Variants in TMPRSS15 observed in about 807,000 individuals in gnomAD.
TMPRSS15 encodes the protein transmembrane serine protease 15, also known as enteropeptidase.
In TMPRSS15, 128 loss-of-function variants were observed where a neutral mutation model predicts 125.3. The observed-to-expected ratio is 1.02, with a 90% confidence interval of 0.89 to 1.18. The LOEUF is 1.18. TMPRSS15 is among the 50% of genes most tolerant of loss of function. TMPRSS15 has a pLI of 0.00. For synonymous variants in TMPRSS15, 446 were observed against 423.2 expected (o/e 1.05, Z -0.66); for missense variants, 1,283 against 1,212.7 (o/e 1.06, Z -0.86).
chr21:18,350,233 T>G (rs935838433), intron 10 of TMPRSS15, among the ~76,000 whole-genome samples: 9 of 152,146 alleles, frequency 5.9e-5, no homozygotes, highest in Admixed American at 1.3e-4. Flanking sequence ...GGAAATAACT[T>G]ATTCAAAGAA....
chr21:18,275,547 C>CT (rs952208819), intron 23 of TMPRSS15, among the ~76,000 whole-genome samples: 7 of 152,172 alleles, frequency 4.6e-5, no homozygotes, highest in Non-Finnish European at 8.8e-5. Context: ...GAAAGCTCTT[C>CT]TTTTTTACCG....
At chr21:18,434,650 AT>A (rs950334498) in intron 1 of TMPRSS15, among the ~76,000 whole-genome samples, 12 of 151,952 alleles carry the variant, frequency 7.9e-5, no homozygotes, top group African/African-American at 2.9e-4. Context: ...TTTCTAAAAT[AT>A]TTTTTTCTAA....
intron 1 of TMPRSS15, among the ~76,000 whole-genome samples, chr21:18,433,387 T>G (rs997277157): frequency 6.6e-6 from 1 of 152,002 alleles, no homozygotes; most frequent in South Asian, 2.1e-4. Flanking sequence ...TCTGCCTCAT[T>G]TATCTTAAAA....
intron 8 of TMPRSS15, among the ~76,000 whole-genome samples, chr21:18,354,128 A>G (rs917608624): frequency 2.0e-5 from 3 of 151,876 alleles, no homozygotes; most frequent in African/African-American, 7.2e-5. Context: ...TGTTAGCTCT[A>G]TGCACTATAT....
chr21:18,341,935 T>C (rs2075450670), intron 12 of TMPRSS15, among the ~76,000 whole-genome samples: 1 of 152,216 alleles, frequency 6.6e-6, no homozygotes, highest in Non-Finnish European at 1.5e-5. Context: ...TTCAGCAATA[T>C]TAAACATTCA....
rs141897863 is a variant in TMPRSS15, at chr21:18,434,868, T to C, written c.11-36539A>G. ...CATGCATAAGTTATCTAGCCTTATA[T>C]AATTATAATTTGATTGGACAAATTG... is the stretch of plus-strand genomic sequence containing the variant. On this transcript the variant is annotated intron_variant, in intron 1 of 7. Coordinates refer to the TMPRSS15 transcript ENST00000422787. Among the ~76,000 whole-genome samples the C allele has an allele frequency of 9.9e-5, 15 of 152,204 alleles. No individual in the cohort carries two copies. The East Asian group carries it at 2.9e-3, about 29-fold the overall frequency.
intron 12 of TMPRSS15, among the ~76,000 whole-genome samples, chr21:18,342,583 A>G (rs1402829202): frequency 2.0e-5 from 3 of 152,226 alleles, no homozygotes; most frequent in African/African-American, 7.2e-5. Context: ...ACATCTGGCC[A>G]CTGCAATACT....
At chr21:18,329,404 C>G (rs1482351477) in intron 14 of TMPRSS15, 110 bp from the exon 15 acceptor site, 24 of 1,176,290 alleles carry the variant, frequency 2.0e-5, no homozygotes, top group Non-Finnish European at 8.2e-6. Flanking sequence ...ATTTTTTTTC[C>G]ACTTCATGAA....
intron 21 of TMPRSS15, among the ~76,000 whole-genome samples, chr21:18,290,956 G>C (rs1243277514): frequency 6.6e-6 from 1 of 152,162 alleles, no homozygotes; most frequent in Non-Finnish European, 1.5e-5. Flanking sequence ...CAATTTTTAT[G>C]CATGTTTGAA....
At chr21:18,422,231 C>A in intron 1 of TMPRSS15, among the ~76,000 whole-genome samples, 1 of 152,042 alleles carries the variant, frequency 6.6e-6, no homozygotes, top group East Asian at 1.9e-4. Context: ...GGCGAGCCAC[C>A]CTCCTCAGCT....
chr21:18,372,161 C>T (rs780953719), intron 6 of TMPRSS15, 32 bp downstream of exon 6: 13 of 1,521,038 alleles, frequency 8.5e-6, no homozygotes, highest in Middle Eastern at 3.6e-4. Context: ...GAGGATAAAA[C>T]AGAAGGGGAG....
intron 1 of TMPRSS15, among the ~76,000 whole-genome samples, chr21:18,400,155 G>A (rs749515663): frequency 3.1e-4 from 47 of 152,120 alleles, no homozygotes; most frequent in Admixed American, 2.7e-3. Flanking sequence ...ACTGCCCAAA[G>A]CAACCTACAG....
intron 1 of TMPRSS15, among the ~76,000 whole-genome samples, chr21:18,457,856 T>C (rs1301663635): frequency 6.6e-6 from 1 of 152,186 alleles, no homozygotes; most frequent in Non-Finnish European, 1.5e-5. Flanking sequence ...TTTTGTTGTT[T>C]AAATTCTGTG....
chr21:18,415,471 G>T (rs1263880633), intron 1 of TMPRSS15, among the ~76,000 whole-genome samples: 1 of 152,090 alleles, frequency 6.6e-6, no homozygotes, highest in African/African-American at 2.4e-5. Flanking sequence ...TCTTCTAGAA[G>T]TTTGACAGTT....
In TMPRSS15 at chr21:18,326,451, G is replaced by C. The variant is rs1219878097; in HGVS notation, c.1902C>G (p.Gly634=). Residue 634 remains glycine, a synonymous_variant, in exon 16 of 25, where the codon GGC becomes GGG. Transcript: ENST00000284885. ...RGGFKANFTT[G]YHLGIPEPCK... ...TCCTACCTGGAATCCCCAAGTGATA[G>C]CCAGTAGTAAAGTTTGCTTTAAACC... The C allele has an allele frequency of 1.9e-6, 3 of 1,614,092 alleles. No individual in the cohort carries two copies. The African/African-American group carries it at 4.0e-5, about 22-fold the overall frequency.
chr21:18,457,928 G>A (rs1200544888), intron 1 of TMPRSS15, among the ~76,000 whole-genome samples: 1 of 152,108 alleles, frequency 6.6e-6, no homozygotes, highest in Non-Finnish European at 1.5e-5. Flanking sequence ...AAACTTTTGA[G>A]TATAATTCTA....
At chr21:18,350,268 A>C (rs1490678654) in intron 10 of TMPRSS15, among the ~76,000 whole-genome samples, 1 of 152,176 alleles carries the variant, frequency 6.6e-6, no homozygotes, top group Non-Finnish European at 1.5e-5. Context: ...GAGAGTATTC[A>C]TGTCATCATT....
At chr21:18,482,427 AGAG>A (rs1200573563) in intron 1 of TMPRSS15, among the ~76,000 whole-genome samples, 2 of 151,662 alleles carry the variant, frequency 1.3e-5, no homozygotes, top group African/African-American at 4.8e-5. Context: ...AGTTGCTAGA[AGAG>A]AAGACTTGAA....
intron 1 of TMPRSS15, among the ~76,000 whole-genome samples, chr21:18,463,794 C>A (rs998952084): frequency 6.6e-6 from 1 of 152,152 alleles, no homozygotes; most frequent in African/African-American, 2.4e-5. Context: ...GATTAAGAAA[C>A]TCATTCAAAA....
Sources: allele counts gnomAD v4.1 joint callset (sites outside exome capture counted in the v4.1 genomes callset), GRCh38; gene constraint gnomAD v4.1.1; transcripts MANE v1.5; gene names NCBI Gene and HGNC (gene_info 2026-07-23, HGNC 2026-07-21).